ABCA5: variants seen among roughly 807,000 people sequenced by gnomAD.
The protein encoded by ABCA5 is cholesterol transporter ABCA5.
ABCA5 carries 163 observed loss-of-function variants against 206.0 expected under a neutral mutation model. The ratio of observed to expected loss-of-function variants is 0.79; its 90% CI spans 0.70 to 0.90. The LOEUF is 0.90. Ranked by LOEUF, ABCA5 falls within the 40% of genes least tolerant of loss-of-function variation. ABCA5 has a pLI of 0.00. For missense variants in ABCA5, 1,859 were observed against 1,912.9 expected (o/e 0.97, Z 0.53); for synonymous variants, 609 against 613.8 (o/e 0.99, Z 0.11).
chr17:69,297,456 G>T, intron 9 of ABCA5, 97 bp from the exon 10 acceptor site: 2 of 1,092,984 alleles, frequency 1.8e-6, no homozygotes, highest in Non-Finnish European at 1.3e-6. Context: ...CTAAAGTTTA[G>T]GTACCATTCC....
chr17:69,301,068 AT>A (rs2075647448), intron 9 of ABCA5, 70 bp downstream of exon 9: 1 of 1,359,900 alleles, frequency 7.4e-7, no homozygotes, highest in Non-Finnish European at 9.7e-7. Context: ...AAATCTTAAA[AT>A]TAAGCTGACC....
chr17:69,301,331 A>G, intron 8 of ABCA5, 45 bp from the exon 9 acceptor site: 1 of 1,537,242 alleles, frequency 6.5e-7, no homozygotes, highest in African/African-American at 1.4e-5. Flanking sequence ...AATGACAAAA[A>G]CAAGCAAAAG....
At chr17:69,272,672 T>C (rs985385953) in intron 20 of ABCA5, among the ~76,000 whole-genome samples, 2 of 151,976 alleles carry the variant, frequency 1.3e-5, no homozygotes, top group African/African-American at 2.4e-5. Context: ...AGAAAAAAAA[T>C]TGCAAAACCT....
intron 17 of ABCA5, chr17:69,285,381 T>C (rs1414475880): frequency 6.6e-6 from 1 of 152,166 alleles, no homozygotes; most frequent in Non-Finnish European, 1.5e-5. Context: ...CTGCACAATG[T>C]ACTTACATCA....
chr17:69,275,655 G>C (rs1444949956), intron 19 of ABCA5, among the ~76,000 whole-genome samples: 1 of 152,158 alleles, frequency 6.6e-6, no homozygotes, highest in Admixed American at 6.5e-5. Context: ...CTTTAATATA[G>C]GGAATATAAG....
intron 18 of ABCA5, among the ~76,000 whole-genome samples, chr17:69,281,214 T>C (rs1178334531): frequency 6.6e-6 from 1 of 151,694 alleles, no homozygotes; most frequent in Non-Finnish European, 1.5e-5. Flanking sequence ...TTAAAGAGAA[T>C]GTACTAGTGA....
At chr17:69,309,839 C>CA (rs890991593) in intron 3 of ABCA5, among the ~76,000 whole-genome samples, 14 of 150,734 alleles carry the variant, frequency 9.3e-5, no homozygotes, top group East Asian at 7.8e-4. Context: ...GACCATGTCT[C>CA]AAAAAAAACA....
At chr17:69,248,461 C>A in intron 37 of ABCA5, 144 bp from the exon 38 acceptor site, 1 of 538,230 alleles carries the variant, frequency 1.9e-6, no homozygotes. Context: ...ATTTTTCCCG[C>A]TTACTTCCTT....
chr17:69,271,107 C>G (rs572915172), intron 21 of ABCA5, 55 bp downstream of exon 21: 3 of 1,546,586 alleles, frequency 1.9e-6, no homozygotes, highest in African/African-American at 2.8e-5. Context: ...TTAGAAGAAA[C>G]GTTTTAATCT....
At chr17:69,294,267 A>C (rs989416193) in intron 11 of ABCA5, among the ~76,000 whole-genome samples, 24 of 152,186 alleles carry the variant, frequency 1.6e-4, no homozygotes, top group African/African-American at 1.4e-4. Flanking sequence ...TCATGCCTGT[A>C]ATTCCAGCAC....
chr17:69,316,367 C>T (rs761818199), intron 1 of ABCA5, among the ~76,000 whole-genome samples: 5 of 151,920 alleles, frequency 3.3e-5, no homozygotes, highest in Non-Finnish European at 7.4e-5. Flanking sequence ...GTGGTGGGCG[C>T]CTGTAATCCC....
chr17:69,296,937 G>C (rs2075589642), intron 10 of ABCA5, among the ~76,000 whole-genome samples: 1 of 152,154 alleles, frequency 6.6e-6, no homozygotes, highest in Non-Finnish European at 1.5e-5. Flanking sequence ...TGTGCTCCAG[G>C]CTGGGCGACA....
chr17:69,271,438 G>T, intron 20 of ABCA5, 149 bp from the exon 21 acceptor site: 1 of 877,808 alleles, frequency 1.1e-6, no homozygotes, highest in Non-Finnish European at 1.6e-6. Flanking sequence ...CAGTCAGCCT[G>T]GTTTTAAAGT....
intron 28 of ABCA5, among the ~76,000 whole-genome samples, chr17:69,257,353 CAA>C (rs542087331): frequency 1.1e-4 from 6 of 54,930 alleles, no homozygotes; most frequent in Non-Finnish European, 1.6e-4. Flanking sequence ...GATTCCATCT[CAA>C]AAAAAAAAAA....
intron 1 of ABCA5, among the ~76,000 whole-genome samples, chr17:69,316,505 G>T (rs972756246): frequency 3.9e-5 from 5 of 126,808 alleles, no homozygotes; most frequent in Admixed American, 8.2e-5. Context: ...AAAAAAAGAA[G>T]AAAAAAGAAA....
intron 34 of ABCA5, among the ~76,000 whole-genome samples, chr17:69,252,521 G>A (rs970225392): frequency 1.3e-5 from 2 of 152,014 alleles, no homozygotes; most frequent in African/African-American, 4.8e-5. Flanking sequence ...ACATTTTATA[G>A]ACATGGAAGT....
chr17:69,320,729 A>G (rs1490538844), intron 1 of ABCA5, among the ~76,000 whole-genome samples: 2 of 152,222 alleles, frequency 1.3e-5, no homozygotes, highest in Non-Finnish European at 2.9e-5. Flanking sequence ...CAACGTACCT[A>G]TTCACCCTCC....
intron 3 of ABCA5, among the ~76,000 whole-genome samples, chr17:69,310,953 G>A (rs1179185144): frequency 6.6e-6 from 1 of 152,156 alleles, no homozygotes; most frequent in Non-Finnish European, 1.5e-5. Flanking sequence ...TTGGAAGGTG[G>A]AGGCAGGTAG....
intron 8 of ABCA5, 74 bp downstream of exon 8, chr17:69,302,644 T>C (rs1274528306): frequency 9.3e-7 from 1 of 1,079,624 alleles, no homozygotes; most frequent in African/African-American, 1.6e-5. Context: ...AAAGGTAGTA[T>C]TCATGGTAGT....
Sources: gnomAD v4.1 joint callset for allele counts (sites outside exome capture counted in the v4.1 genomes callset) on GRCh38, gnomAD v4.1.1 for gene constraint, MANE v1.5 for transcripts, NCBI Gene and HGNC (gene_info 2026-07-23, HGNC 2026-07-21) for gene names.